Variants in DKKL1 observed in about 807,000 individuals in gnomAD.
The protein encoded by DKKL1 is dickkopf like acrosomal protein 1, also known as dickkopf-like protein 1.
Under a neutral mutation model 16.5 loss-of-function variants are expected in DKKL1, and 11 were observed. The ratio of observed to expected loss-of-function variants is 0.67; its 90% CI spans 0.42 to 1.10. DKKL1 has a LOEUF of 1.10. DKKL1 is among the 50% of genes least tolerant of loss of function. The pLI is 0.00. For synonymous variants in DKKL1, 119 were observed against 133.2 expected, an observed-to-expected ratio of 0.89 and a Z score of 0.73; for missense variants, 320 against 308.1, an observed-to-expected ratio of 1.04 and a Z score of -0.29.
At chr19:49,368,488 A>AAAATAAAT (rs1039855646) in intron 4 of DKKL1, among the ~76,000 whole-genome samples, 11 of 151,038 alleles carry the variant, frequency 7.3e-5, no homozygotes, top group African/African-American at 2.0e-4. Context: ...TCTGTCTCAA[A>AAAATAAAT]AAATAAATAA....
intron 4 of DKKL1, 91 bp from the exon 5 acceptor site, chr19:49,374,626 T>C: frequency 8.1e-7 from 1 of 1,237,610 alleles, no homozygotes; most frequent in Non-Finnish European, 1.1e-6. Context: ...CATCCTGTCA[T>C]CTGCAAAGTG....
chr19:49,361,207 G>GAGACCCAGAGAGAGAGGGGA (rs1972887077), upstream of DKKL1, among the ~76,000 whole-genome samples: 2 of 100,116 alleles, frequency 2.0e-5, no homozygotes, highest in Admixed American at 9.8e-5. Flanking sequence ...CAGAGAGGGA[G>GAGACCCAGAGAGAGAGGGGA]ACAGAGACCC....
At chr19:49,366,435 CTT>C (rs5828393) in intron 4 of DKKL1, among the ~76,000 whole-genome samples, 51 of 149,270 alleles carry the variant, frequency 3.4e-4, no homozygotes, top group Admixed American at 3.3e-4. Context: ...AAGTGGTTTT[CTT>C]TTTTTTTTTT....
intron 2 of DKKL1, among the ~76,000 whole-genome samples, chr19:49,364,963 T>G (rs1314180337): frequency 6.6e-6 from 1 of 151,742 alleles, no homozygotes; most frequent in Non-Finnish European, 1.5e-5. Context: ...AGCCCAGTAC[T>G]TGGAGACCAG....
At chr19:49,362,919 G>GTTGTTTTT (rs1568588572), upstream of DKKL1, among the ~76,000 whole-genome samples, 1 of 130,258 alleles carries the variant, frequency 7.7e-6, no homozygotes, top group African/African-American at 3.3e-5. Context: ...TGGTTTTTTT[G>GTTGTTTTT]TTTTTTGTTT....
chr19:49,371,368 TAATTTTTTAAA>T (rs1235070339), intron 4 of DKKL1, among the ~76,000 whole-genome samples: 2 of 152,250 alleles, frequency 1.3e-5, no homozygotes, highest in Non-Finnish European at 2.9e-5. Flanking sequence ...TACATTCTCT[TAATTTTTTAAA>T]AAATATTCTT....
At chr19:49,360,761 A>C (rs1972802659), upstream of DKKL1, among the ~76,000 whole-genome samples, 2 of 96,426 alleles carry the variant, frequency 2.1e-5, no homozygotes, top group Admixed American at 9.7e-5. Flanking sequence ...AGGGAGGGGG[A>C]CAGAGACCCA....
At chr19:49,371,323 G>C (rs902903154) in intron 4 of DKKL1, among the ~76,000 whole-genome samples, 1 of 152,172 alleles carries the variant, frequency 6.6e-6, no homozygotes, top group African/African-American at 2.4e-5. Context: ...TGGACCGTGA[G>C]AGTTTTGGGG....
At chr19:49,367,025 C>T (rs1319932084) in intron 4 of DKKL1, among the ~76,000 whole-genome samples, 1 of 144,572 alleles carries the variant, frequency 6.9e-6, no homozygotes, top group Admixed American at 7.1e-5. Flanking sequence ...TGATTTTCTT[C>T]TTCTTTTTTT....
intron 4 of DKKL1, among the ~76,000 whole-genome samples, chr19:49,367,955 G>C (rs1242230884): frequency 6.6e-6 from 1 of 151,996 alleles, no homozygotes; most frequent in Non-Finnish European, 1.5e-5. Context: ...GCAGGAGGAT[G>C]ACTTGAGCCC....
In DKKL1 at chr19:49,365,886, G is replaced by C. The variant is rs764492256; in HGVS notation, c.417+1G>C. ...GGGGAGCTTCGAGGGTGATTTGAAG[G>C]TTAGGACGTGCCCCGCCGTCAAAGT... On this transcript the variant is annotated splice_donor_variant, in intron 4 of 4. Coordinates refer to ENST00000221498, the MANE Select transcript of DKKL1 (RefSeq NM_014419.4). LOFTEE classifies it high-confidence loss of function. 2 of 1,613,284 alleles carry C rather than the reference G, an allele frequency of 1.2e-6. No individual in the cohort carries two copies. Among genetic ancestry groups the C allele is most frequent in the Non-Finnish European group, 1.7e-6 (2 of 1,179,662 alleles).
At chr19:49,374,644 T>G in intron 4 of DKKL1, 73 bp from the exon 5 acceptor site, 2 of 1,396,058 alleles carry the variant, frequency 1.4e-6, no homozygotes, top group Admixed American at 2.5e-5. Context: ...GTGGGCTGAA[T>G]AGGTCAGTGG....
In DKKL1 at chr19:49,363,971, A is replaced by C. The variant is rs1012204107; in HGVS notation, c.-28A>C. On this transcript the variant is annotated 5_prime_UTR_variant, in exon 1 of 5. Transcript: ENST00000221498. ...TGACCCGGGCTGTGGTCTAGCATAA[A>C]GGCGGAGCCCAGAAGAAGGGGCGGG... 1.5e-5 allele frequency: 24 copies of C among 1,612,832 alleles called. No individual in the cohort carries two copies. In the African/African-American group the frequency reaches 2.3e-4, roughly 15 times the overall value.
chr19:49,361,097 G>A (rs1348393426), upstream of DKKL1, among the ~76,000 whole-genome samples: 1 of 132,428 alleles, frequency 7.6e-6, no homozygotes, highest in Non-Finnish European at 1.6e-5. Flanking sequence ...CAAAAAGAGA[G>A]GGAGACAGAG....
At chr19:49,365,745 G>A (rs778424836) in intron 3 of DKKL1, 48 bp from the exon 4 acceptor site, 40 of 1,604,732 alleles carry the variant, frequency 2.5e-5, no homozygotes, top group Admixed American at 1.5e-4. Context: ...GAAGGAGGGC[G>A]GAGGAGGAAA....
chr19:49,363,566 C>T (rs1227545702), upstream of DKKL1: 4 of 327,770 alleles, frequency 1.2e-5, no homozygotes, highest in Admixed American at 4.3e-5. Flanking sequence ...GGGGCGTGGC[C>T]ATTGCGATTG....
chr19:49,363,617 C>A (rs1973106639), upstream of DKKL1: 6 of 344,382 alleles, frequency 1.7e-5, no homozygotes, highest in South Asian at 1.4e-4. Flanking sequence ...GAGAACACCG[C>A]CAGGACTTCC....
At chr19:49,361,071 G>C (rs1465994546), upstream of DKKL1, among the ~76,000 whole-genome samples, 10 of 125,628 alleles carry the variant, frequency 8.0e-5, 1 homozygote, top group East Asian at 1.0e-3. Context: ...GAGACCCAGA[G>C]AGAGGGACAG....
intron 4 of DKKL1, chr19:49,370,581 G>T (rs7246411): frequency 1.3e-5 from 2 of 150,690 alleles, no homozygotes; most frequent in African/African-American, 4.9e-5. Flanking sequence ...AATGAGCCAA[G>T]GAAAAAGTTC....
Sources: allele counts gnomAD v4.1 joint callset (sites outside exome capture counted in the v4.1 genomes callset), GRCh38; gene constraint gnomAD v4.1.1; transcripts MANE v1.5; gene names NCBI Gene and HGNC (gene_info 2026-07-23, HGNC 2026-07-21).